The following RASA3 variants were observed in gnomAD, a reference collection of about 807,000 sequenced individuals.
RASA3 encodes the protein ras GTPase-activating protein 3.
In RASA3, 73 loss-of-function variants were observed where a neutral mutation model predicts 110.0. That is an observed-to-expected ratio of 0.66 (90% CI 0.55 to 0.81). The LOEUF (loss-of-function observed/expected upper bound fraction) is 0.81. RASA3 is among the 30% of genes least tolerant of loss of function. The pLI is 0.00. For missense variants in RASA3, 976 were observed against 1,113.2 expected (o/e 0.88, Z 1.75); for synonymous variants, 500 against 451.4 (o/e 1.11, Z -1.37).
In RASA3 at chr13:114,114,719, C is replaced by T. The variant is rs111567927; in HGVS notation, c.55+17716G>A. ...TGGGTAACCCTTGATAACATGTGGG[C>T]AGGGTTTCAGTGTAAACCCGAGGGC... On this transcript the variant is annotated intron_variant, in intron 1 of 23. Coordinates refer to ENST00000334062, the MANE Select transcript of RASA3 (RefSeq NM_007368.4). The surrounding 1 kb of genome is among the most constrained non-coding windows in gnomAD (Gnocchi z 4.8). Among the ~76,000 whole-genome samples the T allele has an allele frequency of 1.0e-2, 1,516 of 152,306 alleles. 21 individuals carry two copies. Among genetic ancestry groups the T allele is most frequent in the African/African-American group, 0.032 (1,333 of 41,562 alleles).
At chr13:114,058,584 C>G (rs545520821) in intron 2 of RASA3, among the ~76,000 whole-genome samples, 20 of 152,380 alleles carry the variant, frequency 1.3e-4, no homozygotes, top group African/African-American at 4.8e-4. Flanking sequence ...GGGACAGCAT[C>G]TCCTTCCCTC....
intron 1 of RASA3, among the ~76,000 whole-genome samples, chr13:114,110,453 A>C (rs562815285): frequency 2.0e-5 from 3 of 152,310 alleles, no homozygotes; most frequent in Admixed American, 2.0e-4. Flanking sequence ...GGCTCACTGG[A>C]CGGCACCGTG....
intron 7 of RASA3, among the ~76,000 whole-genome samples, chr13:114,026,412 G>A (rs562580117): frequency 6.6e-6 from 1 of 152,354 alleles, no homozygotes; most frequent in South Asian, 2.1e-4. Context: ...CTATAAGTGA[G>A]GCTTCCGTTT....
At chr13:114,097,280 T>C (rs775183842) in intron 1 of RASA3, among the ~76,000 whole-genome samples, 4 of 152,180 alleles carry the variant, frequency 2.6e-5, no homozygotes, top group African/African-American at 4.8e-5. Context: ...ACCCTGCAGA[T>C]AAGGTCAGAC....
rs1270634462 is a variant in RASA3, at chr13:114,009,658, G to A, written c.1591-194C>T. On this transcript the variant is annotated intron_variant, in intron 16 of 23. Coordinates refer to ENST00000334062, the MANE Select transcript of RASA3 (RefSeq NM_007368.4). ...TCACATAAATCGCTCAGGCGCCAACGAAGACCATCAGACCTGCCAGTGCCC... is the reference window on the plus strand; with the variant it reads ...TCACATAAATCGCTCAGGCGCCAACAAAGACCATCAGACCTGCCAGTGCCC... Among the ~76,000 whole-genome samples, 3 of 152,236 alleles carry A rather than the reference G, an allele frequency of 2.0e-5. No homozygotes were observed. The East Asian group carries it at 5.8e-4, about 29-fold the overall frequency.
At chr13:114,038,581 T>C (rs2054326920) in intron 4 of RASA3, among the ~76,000 whole-genome samples, 2 of 152,224 alleles carry the variant, frequency 1.3e-5, no homozygotes. Context: ...CCCCCACAGC[T>C]GGGCTCATGG....
At chr13:114,018,673 T>C in intron 10 of RASA3, 90 bp downstream of exon 10, 3 of 1,480,052 alleles carry the variant, frequency 2.0e-6, no homozygotes, top group East Asian at 4.7e-5. Context: ...AGGGAGAAGG[T>C]GCCCTCTGGG....
In RASA3 at chr13:114,014,018, C is replaced by G. The variant is rs2053731084; in HGVS notation, c.1406-770G>C. Among the ~76,000 whole-genome samples, 1 of 72,546 alleles carries G rather than the reference C, an allele frequency of 1.4e-5. No homozygotes were observed. The allele number at this position is 72,546 out of a possible 152,430, so 47.6% of individuals were successfully genotyped here. On this transcript the variant is annotated intron_variant, in intron 14 of 23. Transcript: ENST00000334062. This position sits in a 1 kb window ranked among gnomAD's most constrained non-coding sequence, Gnocchi z 4.5. Reference sequence around the variant, plus strand: ...TCTCTCCGTCTGTCTCTGTCTCTCTCCATCTCTCTCTCTCCGTCTCTATCT... The same window carrying G: ...TCTCTCCGTCTGTCTCTGTCTCTCTGCATCTCTCTCTCTCCGTCTCTATCT...
At chr13:114,059,591 G>A (rs1186131428) in intron 2 of RASA3, among the ~76,000 whole-genome samples, 1 of 152,206 alleles carries the variant, frequency 6.6e-6, no homozygotes, top group Non-Finnish European at 1.5e-5. Context: ...TGCAGCCTGC[G>A]GGCACAGAGG....
intron 15 of RASA3, among the ~76,000 whole-genome samples, chr13:114,012,462 CCACA>C (rs995087069): frequency 1.3e-5 from 2 of 149,058 alleles, no homozygotes; most frequent in African/African-American, 2.5e-5. Flanking sequence ...CATGCACCGT[CCACA>C]CACACTCCCC....
intron 15 of RASA3, among the ~76,000 whole-genome samples, chr13:114,012,006 C>T (rs987718786): frequency 1.3e-5 from 2 of 152,046 alleles, no homozygotes; most frequent in African/African-American, 4.8e-5. Context: ...CCCGCACGTG[C>T]AACACGGTCA....
chr13:113,978,639 A>T lies in RASA3; in HGVS notation c.*708T>A, dbSNP rs2052833368. On this transcript the variant is annotated 3_prime_UTR_variant, in exon 24 of 24. Transcript: ENST00000334062. ...CTCCGCAGACGCCTGGAGAAGCTGG[A>T]GCCCACACCTTTCCCTCCAAGGGAC... 1 of 152,240 alleles carries T rather than the reference A, an allele frequency of 6.6e-6. No individual in the cohort carries two copies. Among genetic ancestry groups the T allele is most frequent in the Non-Finnish European group, 1.5e-5 (1 of 68,060 alleles). 9.4% of individuals were successfully genotyped at this position (152,240 alleles called of 1,614,324 possible).
At chr13:114,035,269 C>T (rs1214786600) in intron 4 of RASA3, among the ~76,000 whole-genome samples, 1 of 152,220 alleles carries the variant, frequency 6.6e-6, no homozygotes, top group African/African-American at 2.4e-5. Context: ...CACAAATTCC[C>T]ACAGGAAAGG....
chr13:114,071,279 G>T (rs943522458), intron 2 of RASA3, among the ~76,000 whole-genome samples: 1 of 152,102 alleles, frequency 6.6e-6, no homozygotes, highest in Non-Finnish European at 1.5e-5. Context: ...CACCACACCC[G>T]GCCAGAACCA....
intron 2 of RASA3, among the ~76,000 whole-genome samples, chr13:114,055,437 G>T (rs1337983171): frequency 6.6e-6 from 1 of 152,246 alleles, no homozygotes; most frequent in African/African-American, 2.4e-5. Flanking sequence ...CCCTGGAGAA[G>T]CTTGGTGCTC....
chr13:114,000,201 G>A (rs2053362266), intron 19 of RASA3, among the ~76,000 whole-genome samples: 1 of 151,390 alleles, frequency 6.6e-6, no homozygotes, highest in Non-Finnish European at 1.5e-5. Context: ...CTGCTGGGGT[G>A]CCCTGGGCCG....
At chr13:114,082,828 A>G (rs1482521932) in intron 1 of RASA3, among the ~76,000 whole-genome samples, 1 of 152,240 alleles carries the variant, frequency 6.6e-6, no homozygotes, top group Non-Finnish European at 1.5e-5. Flanking sequence ...CAACTAGGTT[A>G]AGTCATACAT....
rs1321467294 is a variant in RASA3 at position 114,023,477 on chromosome 13, G to A, written c.680+802C>T. ...GGAGGCTCATCTGCCTCTTCATAGG[G>A]AATGGAGGCATTCGTTGGTACAGAA... On this transcript the variant is annotated intron_variant, in intron 8 of 23. Transcript: ENST00000334062. Among the ~76,000 whole-genome samples the A allele has an allele frequency of 2.6e-5, 4 of 152,224 alleles. No homozygotes were observed. The South Asian group carries it at 6.2e-4, about 24-fold the overall frequency.
At chr13:114,109,168 C>T (rs535308329) in intron 1 of RASA3, among the ~76,000 whole-genome samples, 14 of 152,324 alleles carry the variant, frequency 9.2e-5, no homozygotes, top group Admixed American at 3.3e-4. Context: ...CGAACACGAC[C>T]GGCTCCGTGA....
Sources: gnomAD v4.1 joint callset for allele counts (sites outside exome capture counted in the v4.1 genomes callset) on GRCh38, gnomAD v4.1.1 for gene constraint, Gnocchi (gnomAD v3.1) non-coding constraint, MANE v1.5 for transcripts, NCBI Gene and HGNC (gene_info 2026-07-23, HGNC 2026-07-21) for gene names.